Variants in MEF2C observed in about 807,000 individuals in gnomAD.
MEF2C encodes the protein myocyte enhancer factor 2C, also known as myocyte-specific enhancer factor 2C.
Under a neutral mutation model 50.5 loss-of-function variants are expected in MEF2C, and 6 were observed. That is an observed-to-expected ratio of 0.12 (90% CI 0.07 to 0.23). The LOEUF (loss-of-function observed/expected upper bound fraction) is 0.23, where lower values mean the gene tolerates loss of function less well. Among genes scored for constraint, MEF2C ranks in the 10% least tolerant of loss-of-function variants. The pLI, the probability that MEF2C is intolerant of heterozygous loss-of-function variation, is 1.00. For synonymous variants in MEF2C, 183 were observed against 228.0 expected (o/e 0.80, Z 1.78); for missense variants, 276 against 605.0 (o/e 0.46, Z 5.70).
intron 2 of MEF2C, chr5:88,817,854 T>C (rs1042622300): frequency 2.6e-5 from 4 of 151,952 alleles, no homozygotes; most frequent in African/African-American, 9.7e-5. Context: ...AATACAAACA[T>C]ACAAGTAAAT....
chr5:88,875,095 C>T (rs928277856), intron 1 of MEF2C, among the ~76,000 whole-genome samples: 4 of 151,884 alleles, frequency 2.6e-5, no homozygotes, highest in African/African-American at 4.8e-5. Flanking sequence ...AAGCCTGCTT[C>T]TTAACAAAGT....
intron 3 of MEF2C, among the ~76,000 whole-genome samples, chr5:88,792,418 C>T (rs553706858): frequency 2.2e-4 from 33 of 152,262 alleles, no homozygotes; most frequent in South Asian, 2.1e-3. Context: ...CAGAGTCTCT[C>T]GAAGTGAACA....
intron 3 of MEF2C, among the ~76,000 whole-genome samples, chr5:88,801,107 A>C (rs1798137346): frequency 6.6e-6 from 1 of 152,164 alleles, no homozygotes; most frequent in Non-Finnish European, 1.5e-5. Flanking sequence ...TATGGCCCAG[A>C]AATTTGTATT....
chr5:88,729,498 C>T lies in MEF2C; in HGVS notation c.835-151G>A, dbSNP rs539693232. 6 of 720,150 alleles carry T rather than the reference C, an allele frequency of 8.3e-6. No individual in the cohort carries two copies. In the East Asian group the frequency reaches 1.7e-4, roughly 21 times the overall value. The allele number at this position is 720,150 out of a possible 1,614,324, so 44.6% of individuals were successfully genotyped here. ...CATGTGTCTCTATGAACTCTGCCAA[C>T]CCTATCATTTACAATCCTTCAAGAG... On this transcript the variant is annotated intron_variant, in intron 8 of 10. Coordinates refer to ENST00000504921, the MANE Select transcript of MEF2C (RefSeq NM_002397.5).
At chr5:88,739,919 CAAAAT>C (rs1385164232) in intron 6 of MEF2C, 17 of 985,046 alleles carry the variant, frequency 1.7e-5, no homozygotes, top group Admixed American at 6.2e-5. Context: ...TTCTTACACA[CAAAAT>C]AAAGGCTCCA....
At chr5:88,770,977 G>T (rs1580410064) in intron 3 of MEF2C, among the ~76,000 whole-genome samples, 1 of 152,234 alleles carries the variant, frequency 6.6e-6, no homozygotes, top group African/African-American at 2.4e-5. Context: ...AGTTTCACAT[G>T]GCTGGGGAGG....
intron 2 of MEF2C, chr5:88,819,325 T>G: frequency 9.1e-6 from 9 of 984,964 alleles, no homozygotes; most frequent in Non-Finnish European, 1.1e-5. Context: ...GCTCAGATCT[T>G]GGTCACTTCC....
chr5:88,766,604 C>T (rs1231244052), intron 3 of MEF2C: 2 of 979,938 alleles, frequency 2.0e-6, no homozygotes, highest in East Asian at 2.3e-4. Flanking sequence ...AGTCTCAGTC[C>T]TCAAGAATGT....
intron 1 of MEF2C, among the ~76,000 whole-genome samples, chr5:88,866,639 G>A (rs182467263): frequency 2.6e-5 from 4 of 152,270 alleles, no homozygotes; most frequent in Admixed American, 2.0e-4. Context: ...TAAAAGCTAT[G>A]CACTTGATGA....
intron 1 of MEF2C, among the ~76,000 whole-genome samples, chr5:88,865,873 T>C (rs1827143864): frequency 1.3e-5 from 2 of 151,856 alleles, no homozygotes; most frequent in South Asian, 2.1e-4. Flanking sequence ...AATCCCCAAA[T>C]CTTTAAGTCA....
chr5:88,858,372 A>G (rs963303521), intron 1 of MEF2C, among the ~76,000 whole-genome samples: 1 of 152,224 alleles, frequency 6.6e-6, no homozygotes, highest in African/African-American at 2.4e-5. Flanking sequence ...GCAAGACTCC[A>G]TAGAGATTGG....
At chr5:88,727,964 A>T (rs1759649380) in intron 10 of MEF2C, among the ~76,000 whole-genome samples, 1 of 152,094 alleles carries the variant, frequency 6.6e-6, no homozygotes, top group African/African-American at 2.4e-5. Flanking sequence ...ATCCAAATTT[A>T]GGTAATTAGT....
intron 3 of MEF2C, among the ~76,000 whole-genome samples, chr5:88,789,941 A>G (rs1322087227): frequency 6.6e-6 from 1 of 152,220 alleles, no homozygotes; most frequent in Non-Finnish European, 1.5e-5. Flanking sequence ...TTTGACCAAG[A>G]AAATAATGAA....
intron 3 of MEF2C, among the ~76,000 whole-genome samples, chr5:88,776,920 C>T (rs895678761): frequency 1.3e-5 from 2 of 152,218 alleles, no homozygotes; most frequent in Non-Finnish European, 2.9e-5. Flanking sequence ...CTGCCAGCCC[C>T]ACGGCGCACT....
intron 7 of MEF2C, 118 bp downstream of exon 7, chr5:88,731,611 C>T (rs951021789): frequency 2.1e-5 from 20 of 936,136 alleles, no homozygotes; most frequent in East Asian, 2.6e-5. Flanking sequence ...GTCAATGGCA[C>T]TGTTATGTTA....
chr5:88,883,225 GT>G (rs1833503914), upstream of MEF2C: 1 of 149,414 alleles, frequency 6.7e-6, no homozygotes, highest in East Asian at 2.0e-4. Flanking sequence ...GTGTGCGTGT[GT>G]GCGCGCGCGC....
intron 2 of MEF2C, among the ~76,000 whole-genome samples, chr5:88,811,300 A>G (rs1179754327): frequency 1.3e-5 from 2 of 152,142 alleles, no homozygotes; most frequent in African/African-American, 4.8e-5. Flanking sequence ...GTCCATGCGA[A>G]GAGGCAAAAT....
chr5:88,902,962 T>G (rs1200256827), intron 1 of MEF2C, among the ~76,000 whole-genome samples: 4 of 151,626 alleles, frequency 2.6e-5, no homozygotes, highest in Non-Finnish European at 5.9e-5. Flanking sequence ...AGCTGCTTAC[T>G]TGCTTAAATA....
chr5:88,817,493 G>C (rs1806035507), intron 2 of MEF2C, among the ~76,000 whole-genome samples: 1 of 151,890 alleles, frequency 6.6e-6, no homozygotes, highest in Non-Finnish European at 1.5e-5. Flanking sequence ...GGGGACATAA[G>C]AAGAGGGAAA....
Sources: gnomAD v4.1 joint callset for allele counts (sites outside exome capture counted in the v4.1 genomes callset) on GRCh38, gnomAD v4.1.1 for gene constraint, MANE v1.5 for transcripts, NCBI Gene and HGNC (gene_info 2026-07-23, HGNC 2026-07-21) for gene names.